Variants in HPS5 observed in about 807,000 individuals in gnomAD.
HPS5 encodes the protein BLOC-2 complex member HPS5.
In HPS5, 83 loss-of-function variants were observed where a neutral mutation model predicts 128.0. The observed-to-expected ratio is 0.65, with a 90% CI of 0.54 to 0.78. The LOEUF is 0.78. HPS5 is among the 30% of genes least tolerant of loss of function. The pLI is 0.00. For synonymous variants in HPS5, 475 were observed against 470.2 expected (o/e 1.01, Z -0.13); for missense variants, 1,281 against 1,326.2 (o/e 0.97, Z 0.53).
rs142442282 is a variant in HPS5, at chr11:18,307,813, A to C, written c.611+1133T>G. Among the ~76,000 whole-genome samples the C allele has an allele frequency of 2.4e-3, 362 of 152,186 alleles. 1 individual carries two copies. Among genetic ancestry groups the C allele is most frequent in the African/African-American group, 7.2e-3 (300 of 41,566 alleles). On this transcript the variant is annotated intron_variant, in intron 6 of 22. Coordinates refer to ENST00000349215, the MANE Select transcript of HPS5 (RefSeq NM_181507.2). ...GGTTGAAACAAAAAGATTTTTTAAC[A>C]TAAGTATATATTTTATTATATTACA...
chr11:18,317,651 A>T, intron 2 of HPS5, 100 bp downstream of exon 2: 1 of 1,159,938 alleles, frequency 8.6e-7, no homozygotes, highest in Non-Finnish European at 1.3e-6. Flanking sequence ...GACAGGTAAG[A>T]ACACCCAAGA....
intron 1 of HPS5, among the ~76,000 whole-genome samples, chr11:18,319,815 CTT>C (rs1864097862): frequency 6.6e-6 from 1 of 152,122 alleles, no homozygotes; most frequent in Non-Finnish European, 1.5e-5. Flanking sequence ...GAAAACCTCT[CTT>C]GACGTTATTA....
chr11:18,312,781 C>G (rs998000189), intron 2 of HPS5, among the ~76,000 whole-genome samples: 12 of 152,162 alleles, frequency 7.9e-5, no homozygotes, highest in African/African-American at 2.9e-4. Flanking sequence ...GGAGACAGGA[C>G]ACATATTGCA....
chr11:18,301,913 T>A (rs1401314074), intron 8 of HPS5, among the ~76,000 whole-genome samples: 1 of 152,162 alleles, frequency 6.6e-6, no homozygotes, highest in Non-Finnish European at 1.5e-5. Flanking sequence ...AAACCTGGAC[T>A]TTTTTCCTAT....
Position 18,285,338 on chromosome 11 carries a change from T to C in HPS5, c.2951+8A>G. The C allele has an allele frequency of 6.4e-7, 1 of 1,573,000 alleles. No individual in the cohort carries two copies. ...CTTAACTTCAGTTTCTAAAAAATTC[T>C]CACTTACCCACAAGACCTGCAGATG... On this transcript the variant is annotated splice_region_variant and intron_variant, in intron 20 of 22. Transcript: ENST00000349215.
rs576840531 is a variant in HPS5 at position 18,295,153 on chromosome 11, G to A, written c.1651C>T (p.Arg551Cys). 1.2e-5 allele frequency: 19 copies of A among 1,613,906 alleles called. No individual in the cohort carries two copies. Among genetic ancestry groups the A allele is most frequent in the Middle Eastern group, 1.7e-4 (1 of 6,054 alleles). ...GTGCCAATCTTCTCAGTAGTTTTAC[G>A]CACAAAGCTAGAAACACTAGAAGTC... ...AVKESVSSFV[R>C]KTTEKIGTLH... The change falls in exon 14 of 23, where the codon CGT (arginine) becomes TGT (cysteine). Residue 551 changes from arginine to cysteine, a missense_variant. By Grantham distance (180) the Arg-to-Cys change is radical. Transcript: ENST00000349215.
At chr11:18,293,774 T>C (rs888788624) in intron 14 of HPS5, among the ~76,000 whole-genome samples, 1 of 152,176 alleles carries the variant, frequency 6.6e-6, no homozygotes, top group Non-Finnish European at 1.5e-5. Context: ...ATACTCTGGA[T>C]AGAAGACATA....
intron 2 of HPS5, 123 bp downstream of exon 2, chr11:18,317,628 A>G (rs1863802601): frequency 2.2e-6 from 2 of 906,596 alleles, no homozygotes; most frequent in Non-Finnish European, 3.4e-6. Flanking sequence ...TTCCCCCACA[A>G]AAGTATGACT....
chr11:18,317,135 A>C (rs10741740), intron 2 of HPS5, among the ~76,000 whole-genome samples: 65,130 of 150,934 alleles, frequency 0.43, 15,935 homozygotes, highest in East Asian at 0.59. Context: ...CGGAGCATGC[A>C]GTGAGCTGAG....
At chr11:18,312,993 A>T (rs916768701) in intron 2 of HPS5, among the ~76,000 whole-genome samples, 4 of 152,206 alleles carry the variant, frequency 2.6e-5, no homozygotes, top group Admixed American at 6.5e-5. Context: ...CAAGCCTCAA[A>T]ATTGTTACTC....
intron 1 of HPS5, among the ~76,000 whole-genome samples, chr11:18,321,035 C>G (rs1413070092): frequency 6.6e-6 from 1 of 152,168 alleles, no homozygotes; most frequent in East Asian, 1.9e-4. Flanking sequence ...AATGTACAAA[C>G]AGTATAAAGA....
chr11:18,283,644 A>G (rs578202150), intron 21 of HPS5, 151 bp downstream of exon 21: 2 of 655,410 alleles, frequency 3.1e-6, no homozygotes, highest in Admixed American at 5.2e-5. Flanking sequence ...AAAAACAAAA[A>G]CAAAAACAAA....
chr11:18,318,818 T>C (rs1326901662), intron 1 of HPS5, among the ~76,000 whole-genome samples: 1 of 152,192 alleles, frequency 6.6e-6, no homozygotes, highest in African/African-American at 2.4e-5. Flanking sequence ...CAGAAACATA[T>C]ATATTCCATC....
Position 18,278,721 on chromosome 11 carries a change from T to C in HPS5, c.*1161A>G, listed in dbSNP as rs1351177950. 6.6e-6 allele frequency: 1 copy of C among 152,310 alleles called. No individual in the cohort carries two copies. Among genetic ancestry groups the C allele is most frequent in the Non-Finnish European group, 1.5e-5 (1 of 68,052 alleles). 9.4% of individuals were successfully genotyped at this position (152,310 alleles called of 1,614,324 possible). ...ACTTACTCCACACCTTTCTGCAAAATGCTCATAATAAACCTCCTGTCTACA... is the reference window on the plus strand; with the variant it reads ...ACTTACTCCACACCTTTCTGCAAAACGCTCATAATAAACCTCCTGTCTACA... On this transcript the variant is annotated 3_prime_UTR_variant, in exon 23 of 23. Transcript: ENST00000349215.
chr11:18,297,835 T>G (rs781727924), intron 10 of HPS5, 118 bp from the exon 11 acceptor site: 33 of 966,170 alleles, frequency 3.4e-5, no homozygotes, highest in Non-Finnish European at 5.2e-5. Context: ...ATCCCAGCAC[T>G]CTGGGAGGCC....
chr11:18,285,651 C>T (rs1859611468), intron 19 of HPS5, among the ~76,000 whole-genome samples, 192 bp from the exon 20 acceptor site: 1 of 152,144 alleles, frequency 6.6e-6, no homozygotes, highest in Non-Finnish European at 1.5e-5. Flanking sequence ...AGATTAGATA[C>T]TTTAGGTAAT....
Position 18,297,047 on chromosome 11 carries a change from A to G in HPS5, c.1324-63T>C, listed in dbSNP as rs182188801. On this transcript the variant is annotated intron_variant, in intron 11 of 22. Coordinates refer to ENST00000349215, the MANE Select transcript of HPS5 (RefSeq NM_181507.2). ...AAATTTCCTTTATAACGTTAATATA[A>G]CTTCTGCAGAGAAATACCAACACTC... The G allele has an allele frequency of 1.1e-5, 11 of 1,030,038 alleles. No individual in the cohort carries two copies. The East Asian group carries it at 2.8e-4, about 26-fold the overall frequency. 63.8% of individuals were successfully genotyped at this position (1,030,038 alleles called of 1,614,324 possible).
intron 12 of HPS5, chr11:18,296,373 A>G: frequency 1.8e-6 from 1 of 554,878 alleles, no homozygotes; most frequent in Non-Finnish European, 3.2e-6. Flanking sequence ...AAGGGAGTTT[A>G]GGATCTCTAT....
At chr11:18,308,815 CAAAAAAAGA>C in intron 6 of HPS5, 122 bp downstream of exon 6, 1 of 860,962 alleles carries the variant, frequency 1.2e-6, no homozygotes, top group Non-Finnish European at 1.8e-6. Context: ...GACCCCATCT[CAAAAAAAGA>C]AAAAAAAGAA....
Sources: allele counts gnomAD v4.1 joint callset (sites outside exome capture counted in the v4.1 genomes callset), GRCh38; gene constraint gnomAD v4.1.1; transcripts MANE v1.5; gene names NCBI Gene and HGNC (gene_info 2026-07-23, HGNC 2026-07-21).